The following PLA2G10 variants were observed in gnomAD, a reference collection of about 807,000 sequenced individuals.
The protein encoded by PLA2G10 is group 10 secretory phospholipase A2.
A neutral mutation model predicts 7.9 loss-of-function variants in PLA2G10; 9 were observed. The ratio of observed to expected loss-of-function variants is 1.14; its 90% confidence interval spans 0.68 to 1.98. The LOEUF is 1.98. Ranked by LOEUF, PLA2G10 falls within the 30% of genes most tolerant of loss-of-function variation. The probability of loss-of-function intolerance (pLI) is 0.00; values close to 1 mark genes in which losing one functional copy is unlikely to be tolerated. For missense variants in PLA2G10, 53 were observed against 65.4 expected, an observed-to-expected ratio of 0.81 and a Z score of 0.66; for synonymous variants, 19 against 27.5, an observed-to-expected ratio of 0.69 and a Z score of 0.97.
chr16:14,679,660 C>CAAA (rs770745365), intron 3 of PLA2G10, among the ~76,000 whole-genome samples: 12 of 130,478 alleles, frequency 9.2e-5, no homozygotes, highest in Non-Finnish European at 1.5e-4. Flanking sequence ...GACTCCACCT[C>CAAA]AAAAAAAAAA....
chr16:14,676,615 G>T (rs996714466), intron 3 of PLA2G10, among the ~76,000 whole-genome samples: 9 of 152,148 alleles, frequency 5.9e-5, no homozygotes, highest in Admixed American at 2.0e-4. Context: ...GGAGGTGGAG[G>T]TTGCAGGGGG....
chr16:14,674,453 T>C (rs1960672045), intron 3 of PLA2G10, among the ~76,000 whole-genome samples: 3 of 152,200 alleles, frequency 2.0e-5, no homozygotes, highest in South Asian at 2.1e-4. Flanking sequence ...CCTGTAATCC[T>C]AGCACTTTGC....
intron 3 of PLA2G10, among the ~76,000 whole-genome samples, chr16:14,686,859 A>C (rs1247279296): frequency 2.0e-5 from 3 of 152,120 alleles, no homozygotes; most frequent in African/African-American, 7.2e-5. Context: ...TAATTCCAGC[A>C]CTTTGAGAGG....
At chr16:14,681,657 C>T (rs1960896349) in intron 3 of PLA2G10, among the ~76,000 whole-genome samples, 1 of 151,296 alleles carries the variant, frequency 6.6e-6, no homozygotes, top group Non-Finnish European at 1.5e-5. Context: ...GGAAAATGGG[C>T]CAAACCTGTA....
intron 3 of PLA2G10, among the ~76,000 whole-genome samples, chr16:14,677,786 G>A (rs1432962424): frequency 1.3e-5 from 2 of 151,664 alleles, no homozygotes; most frequent in African/African-American, 4.8e-5. Context: ...ATGGTGGGTG[G>A]ATGGATGGAA....
chr16:14,683,202 A>G lies in PLA2G10; in HGVS notation c.355+4963T>C, dbSNP rs184318845. Among the ~76,000 whole-genome samples, 266 of 151,504 alleles carry G rather than the reference A, an allele frequency of 1.8e-3. 1 individual carries two copies. The highest frequency in any genetic ancestry group is 5.2e-3 in the African/African-American group (214 of 41,312). On this transcript the variant is annotated intron_variant, in intron 3 of 3. Coordinates refer to ENST00000438167, the MANE Select transcript of PLA2G10 (RefSeq NM_003561.3). ...AAAGTGATGAAATCCTCCTCCATCT[A>G]GAGCCAAGTGATTTTCTTTTTCTTT...
intron 3 of PLA2G10, among the ~76,000 whole-genome samples, chr16:14,686,180 G>A (rs1016961341): frequency 2.8e-4 from 43 of 151,948 alleles, no homozygotes; most frequent in Admixed American, 6.6e-5. Flanking sequence ...TATTTGTAGA[G>A]ATAGGGTTTC....
chr16:14,673,736 C>T (rs1478700248), intron 3 of PLA2G10, among the ~76,000 whole-genome samples: 1 of 152,018 alleles, frequency 6.6e-6, no homozygotes, highest in Admixed American at 6.6e-5. Flanking sequence ...GAACATACCT[C>T]AAAATAATAA....
In PLA2G10 at chr16:14,678,538, G is replaced by A. The variant is rs566546483; in HGVS notation, c.356-5789C>T. On this transcript the variant is annotated intron_variant, in intron 3 of 3. Coordinates refer to ENST00000438167, the MANE Select transcript of PLA2G10 (RefSeq NM_003561.3). ...AATCCCAACATTTTGGGAGGCCGAG[G>A]TAGGTGGGTCACCCGAGGTCAGAAA... 5.1e-4 allele frequency: 120 copies of A among 233,588 alleles called. 4 individuals are homozygous for A. Among genetic ancestry groups the A allele is most frequent in the South Asian group, 4.8e-3 (116 of 23,930 alleles). The allele number at this position is 233,588 out of a possible 1,614,324, so 14.5% of individuals were successfully genotyped here. A position where few individuals can be genotyped will look rare whatever the true frequency, so the allele number is the denominator to read the frequency against.
intron 3 of PLA2G10, among the ~76,000 whole-genome samples, chr16:14,673,398 G>T (rs1960644489): frequency 6.6e-6 from 1 of 151,436 alleles, no homozygotes; most frequent in Non-Finnish European, 1.5e-5. Flanking sequence ...TTGAGATAAG[G>T]TCTGTCTCTG....
intron 3 of PLA2G10, among the ~76,000 whole-genome samples, chr16:14,683,597 CTGAGA>C (rs796524531): frequency 6.5e-4 from 99 of 152,150 alleles, no homozygotes; most frequent in Middle Eastern, 3.4e-3. Flanking sequence ...ACCAAGAGGG[CTGAGA>C]TAACTGGATA....
At chr16:14,681,037 G>A (rs758006857) in intron 3 of PLA2G10, among the ~76,000 whole-genome samples, 5 of 151,924 alleles carry the variant, frequency 3.3e-5, no homozygotes, top group Admixed American at 1.3e-4. Context: ...ATGGTGGTGC[G>A]CCTGTAGTCC....
intron 3 of PLA2G10, among the ~76,000 whole-genome samples, chr16:14,679,685 T>C (rs976615459): frequency 4.1e-5 from 6 of 147,972 alleles, no homozygotes; most frequent in African/African-American, 1.3e-4. Flanking sequence ...ATAATAATAA[T>C]AATAATAATA....
At chr16:14,672,999 G>T (rs1034713048) in intron 3 of PLA2G10, among the ~76,000 whole-genome samples, 2 of 150,114 alleles carry the variant, frequency 1.3e-5, no homozygotes, top group African/African-American at 4.9e-5. Context: ...AATATTACAC[G>T]ATTTCTTTTT....
chr16:14,681,726 C>T (rs975552195), intron 3 of PLA2G10, among the ~76,000 whole-genome samples: 69 of 151,540 alleles, frequency 4.6e-4, no homozygotes, highest in African/African-American at 1.6e-3. Context: ...TATTTTTAGT[C>T]CAAAATGCAT....
intron 3 of PLA2G10, among the ~76,000 whole-genome samples, chr16:14,683,396 C>T (rs13337388): frequency 6.6e-6 from 1 of 151,856 alleles, no homozygotes; most frequent in Non-Finnish European, 1.5e-5. Flanking sequence ...CCACACCCGC[C>T]TAATTTTTTT....
At chr16:14,701,562 A>AAAAT in the PLA2G10 span, among the ~76,000 whole-genome samples, 5 of 1,880 alleles carry the variant, frequency 2.7e-3, no homozygotes, top group Admixed American at 6.6e-3. Context: ...CTCTGTCTCA[A>AAAAT]AAATAAATAA....
In PLA2G10 at chr16:14,672,768, CTG is replaced by C; in HGVS notation, c.356-21_356-20del. The C allele has an allele frequency of 6.2e-7, 1 of 1,613,366 alleles. No homozygotes were observed. The highest frequency in any genetic ancestry group is 8.5e-7 in the Non-Finnish European group (1 of 1,179,588). ...GCCGGTCCTGGAAGAAGTGGGGAAA[CTG>C]AGATTAGAGCAGGGACCTGGAGAGA... On this transcript the variant is annotated intron_variant, in intron 3 of 3. Coordinates refer to ENST00000438167, the MANE Select transcript of PLA2G10 (RefSeq NM_003561.3).
chr16:14,681,330 A>G (rs1960886493), intron 3 of PLA2G10, among the ~76,000 whole-genome samples: 1 of 152,150 alleles, frequency 6.6e-6, no homozygotes, highest in Non-Finnish European at 1.5e-5. Context: ...AGTGAGGCTT[A>G]CAGGAATTCG....
Sources: allele counts gnomAD v4.1 joint callset (sites outside exome capture counted in the v4.1 genomes callset), GRCh38; gene constraint gnomAD v4.1.1; transcripts MANE v1.5; gene names NCBI Gene and HGNC (gene_info 2026-07-23, HGNC 2026-07-21).